Variants in EPB41L3 observed in about 807,000 individuals in gnomAD.
EPB41L3 encodes band 4.1-like protein 3.
In EPB41L3, 57 loss-of-function variants were observed where a neutral mutation model predicts 127.1. That is an observed-to-expected ratio of 0.45 (90% CI 0.36 to 0.56). The LOEUF (loss-of-function observed/expected upper bound fraction) is 0.56. EPB41L3 is among the 20% of genes least tolerant of loss of function. EPB41L3 has a pLI of 0.00. For missense variants in EPB41L3, 1,273 were observed against 1,372.2 expected, an observed-to-expected ratio of 0.93 and a Z score of 1.14; for synonymous variants, 572 against 549.5, an observed-to-expected ratio of 1.04 and a Z score of -0.57.
chr18:5,573,535 T>G (rs1044531316), intron 3 of EPB41L3, among the ~76,000 whole-genome samples: 2 of 152,164 alleles, frequency 1.3e-5, no homozygotes, highest in African/African-American at 2.4e-5. Flanking sequence ...GTAGCTAACA[T>G]TTACTCATAT....
intron 2 of EPB41L3, among the ~76,000 whole-genome samples, chr18:5,484,091 A>C (rs1371962244): frequency 1.0e-5 from 1 of 95,728 alleles, no homozygotes; most frequent in East Asian, 3.0e-4. Flanking sequence ...AAACTCAAAA[A>C]AAAAAAAAAA....
chr18:5,583,529 A>G (rs2094414676), intron 3 of EPB41L3, among the ~76,000 whole-genome samples: 1 of 152,198 alleles, frequency 6.6e-6, no homozygotes, highest in Non-Finnish European at 1.5e-5. Context: ...AACTGACTGC[A>G]AGGGGAAAAG....
intron 1 of EPB41L3, among the ~76,000 whole-genome samples, chr18:5,623,963 A>G (rs926122896): frequency 6.6e-6 from 1 of 152,150 alleles, no homozygotes; most frequent in African/African-American, 2.4e-5. Context: ...ATAAAAAAAA[A>G]TGTATGAGAC....
intron 3 of EPB41L3, among the ~76,000 whole-genome samples, chr18:5,567,861 T>C (rs567289029): frequency 5.9e-5 from 9 of 152,322 alleles, no homozygotes; most frequent in African/African-American, 2.2e-4. Context: ...TGTGTACTTC[T>C]AATCATTGTA....
At chr18:5,402,852 A>C (rs1433642710) in intron 16 of EPB41L3, among the ~76,000 whole-genome samples, 2 of 152,194 alleles carry the variant, frequency 1.3e-5, no homozygotes, top group East Asian at 3.8e-4. Context: ...TGGGTGATTA[A>C]AGGTTTCTAC....
chr18:5,446,141 A>T (rs562384695), intron 3 of EPB41L3, among the ~76,000 whole-genome samples: 4 of 152,308 alleles, frequency 2.6e-5, no homozygotes, highest in Non-Finnish European at 5.9e-5. Context: ...AACAAATTTC[A>T]TTATTTTTGT....
chr18:5,459,245 C>CT (rs2083573025), intron 3 of EPB41L3, among the ~76,000 whole-genome samples: 1 of 152,028 alleles, frequency 6.6e-6, no homozygotes, highest in South Asian at 2.1e-4. Flanking sequence ...ACAGCCTGGG[C>CT]AACAAAGTAA....
rs186633812 is a variant in EPB41L3 at position 5,469,731 on chromosome 18, A to G, written c.381+8510T>C. The stretch of plus-strand genomic sequence containing the variant: ...AAAACACAAGTCCACGCTGGAGACA[A>G]ATACTATACTTTGGATCGTTCCTTC... On this transcript the variant is annotated intron_variant, in intron 3 of 22. Coordinates refer to ENST00000341928, the MANE Select transcript of EPB41L3 (RefSeq NM_012307.5). 3.3e-5 allele frequency among the ~76,000 whole-genome samples: 5 copies of G among 152,240 alleles called. No homozygotes were observed. In the East Asian group the frequency reaches 9.7e-4, roughly 29 times the overall value.
At chr18:5,410,232 T>G (rs1216982342) in intron 14 of EPB41L3, among the ~76,000 whole-genome samples, 1 of 148,464 alleles carries the variant, frequency 6.7e-6, no homozygotes, top group African/African-American at 2.5e-5. Context: ...AAAAAAAAAA[T>G]GTATTATCAG....
At chr18:5,420,448 CAAATATTAACCATCTTGGTA>C in intron 11 of EPB41L3, among the ~76,000 whole-genome samples, 1 of 152,264 alleles carries the variant, frequency 6.6e-6, no homozygotes, top group South Asian at 2.1e-4. Flanking sequence ...TGGGTAATAA[CAAATATTAACCATCTTGGTA>C]GAGATTATAA....
chr18:5,463,870 T>G (rs1185889557), intron 3 of EPB41L3: 1 of 152,292 alleles, frequency 6.6e-6, no homozygotes, highest in Admixed American at 6.5e-5. Context: ...TAGGCTACTA[T>G]GTGTATCGGG....
chr18:5,489,402 T>C, intron 1 of EPB41L3: 2 of 527,488 alleles, frequency 3.8e-6, no homozygotes, highest in Non-Finnish European at 6.5e-6. Flanking sequence ...CTAACATTTA[T>C]CTAGGAGGAA....
At chr18:5,561,227 T>A (rs892593286) in intron 3 of EPB41L3, among the ~76,000 whole-genome samples, 2 of 152,122 alleles carry the variant, frequency 1.3e-5, no homozygotes, top group East Asian at 3.9e-4. Context: ...TCCGCCCGCC[T>A]CGGCCTCCCA....
At chr18:5,577,209 T>G (rs1174457878) in intron 3 of EPB41L3, 1 of 225,862 alleles carries the variant, frequency 4.4e-6, no homozygotes, top group Admixed American at 5.9e-5. Flanking sequence ...GAATTCCACA[T>G]TTCCCTAGTT....
At position 5,416,141 on chromosome 18, in the gene EPB41L3, C is replaced by A; in HGVS notation, c.1744G>T (p.Gly582Trp). The stretch of plus-strand genomic sequence containing the variant: ...AAGGAGAAGGAGAACAGGGTGGTCC[C>A]CTTGCCAGTTTGCTGTCTGTAGCTA... ...AFSYRQQTGK[G>W]TTLFSFSLQL... Residue 582 changes from glycine to tryptophan, a missense_variant, in exon 13 of 23, where the codon GGG becomes TGG. Gly to Trp is a radical substitution (Grantham distance 184, BLOSUM62 -2). Around this residue, in one of 3 missense-constraint regions of EPB41L3, gnomAD observed 765 missense variants for 782.9 expected, o/e 0.98. Coordinates refer to ENST00000341928, the MANE Select transcript of EPB41L3 (RefSeq NM_012307.5). 6.2e-7 allele frequency: 1 copy of A among 1,613,808 alleles called. No homozygotes were observed. Among genetic ancestry groups the A allele is most frequent in the African/African-American group, 1.3e-5 (1 of 75,028 alleles).
intron 3 of EPB41L3, among the ~76,000 whole-genome samples, chr18:5,599,115 C>T (rs2094564528): frequency 6.6e-6 from 1 of 152,130 alleles, no homozygotes; most frequent in Non-Finnish European, 1.5e-5. Flanking sequence ...TCTGACACAA[C>T]CTAGATAAAT....
chr18:5,536,473 A>T (rs2148992554), intron 1 of EPB41L3, among the ~76,000 whole-genome samples: 1 of 151,450 alleles, frequency 6.6e-6, no homozygotes, highest in East Asian at 2.0e-4. Context: ...CATGCATGAA[A>T]AAGCTCCTCC....
intron 1 of EPB41L3, among the ~76,000 whole-genome samples, chr18:5,509,060 A>G (rs1181731180): frequency 6.6e-6 from 1 of 152,222 alleles, no homozygotes; most frequent in Non-Finnish European, 1.5e-5. Flanking sequence ...TAATAAAGCC[A>G]ACAGTTTTCA....
chr18:5,506,930 C>A (rs140555997), intron 1 of EPB41L3, among the ~76,000 whole-genome samples: 2 of 152,264 alleles, frequency 1.3e-5, no homozygotes, highest in African/African-American at 4.8e-5. Context: ...AACAAACTTA[C>A]TGAAATTATT....
Sources: allele counts gnomAD v4.1 joint callset (sites outside exome capture counted in the v4.1 genomes callset), GRCh38; gene constraint gnomAD v4.1.1; regional missense constraint gnomAD v4.1.1; transcripts MANE v1.5; gene names NCBI Gene and HGNC (gene_info 2026-07-23, HGNC 2026-07-21).